Variants in IMMP2L observed in about 807,000 individuals in gnomAD.
The protein encoded by IMMP2L is mitochondrial inner membrane protease subunit 2.
Under a neutral mutation model 19.3 loss-of-function variants are expected in IMMP2L, and 18 were observed. The ratio of observed to expected loss-of-function variants is 0.93; its 90% CI spans 0.64 to 1.38. The LOEUF is 1.38. IMMP2L is among the 40% of genes most tolerant of loss of function. The probability of loss-of-function intolerance (pLI) is 0.00; values close to 1 mark genes in which losing one functional copy is unlikely to be tolerated. For synonymous variants in IMMP2L, 76 were observed against 73.0 expected (o/e 1.04, Z -0.21); for missense variants, 233 against 218.2 (o/e 1.07, Z -0.43).
At chr7:111,021,080 T>C (rs1475982673) in intron 3 of IMMP2L, among the ~76,000 whole-genome samples, 2 of 152,194 alleles carry the variant, frequency 1.3e-5, no homozygotes, top group Non-Finnish European at 2.9e-5. Context: ...ATTAATAAAT[T>C]AGTAAATAGT....
chr7:111,079,064 T>C lies in IMMP2L; in HGVS notation c.240-115499A>G, dbSNP rs900345015. On this transcript the variant is annotated intron_variant, in intron 3 of 5. Transcript: ENST00000405709. The stretch of plus-strand genomic sequence containing the variant: ...CCAACATTAATTTAGTTAAATAACA[T>C]AGAAGGAATCAAAATCAATACATGT... 2.0e-5 allele frequency among the ~76,000 whole-genome samples: 3 copies of C among 152,074 alleles called. No homozygotes were observed. The East Asian group carries it at 5.8e-4, about 29-fold the overall frequency.
At position 110,693,027 on chromosome 7, in the gene IMMP2L, CT is replaced by C. The variant is rs1344783794; in HGVS notation, c.409-29307del. On this transcript the variant is annotated intron_variant, in intron 5 of 5. Transcript: ENST00000405709. ...GAATCTTCATTTTAAACAATTCTTC[CT>C]GGTGATGCATCTCCATATTCAAGTT... is the stretch of plus-strand genomic sequence containing the variant. Among the ~76,000 whole-genome samples, 10 of 152,292 alleles carry C rather than the reference CT, an allele frequency of 6.6e-5. No homozygotes were observed. In the South Asian group the frequency reaches 1.9e-3, roughly 28 times the overall value.
At chr7:110,885,178 T>G (rs1412542400) in intron 5 of IMMP2L, among the ~76,000 whole-genome samples, 2 of 149,634 alleles carry the variant, frequency 1.3e-5, no homozygotes, top group African/African-American at 2.5e-5. Context: ...AATTTTGGAT[T>G]TTTTTTTTAT....
At chr7:111,010,469 G>C (rs1824821843) in intron 3 of IMMP2L, among the ~76,000 whole-genome samples, 1 of 152,008 alleles carries the variant, frequency 6.6e-6, no homozygotes, top group Non-Finnish European at 1.5e-5. Flanking sequence ...AGGTAATCAA[G>C]CAGTACATCC....
At chr7:110,831,574 C>T (rs1803973571) in intron 5 of IMMP2L, among the ~76,000 whole-genome samples, 1 of 152,114 alleles carries the variant, frequency 6.6e-6, no homozygotes, top group African/African-American at 2.4e-5. Context: ...AAGACACAAG[C>T]AGCCAACTTG....
At chr7:110,837,327 T>G (rs1804592602) in intron 5 of IMMP2L, among the ~76,000 whole-genome samples, 3 of 142,156 alleles carry the variant, frequency 2.1e-5, no homozygotes, top group Admixed American at 1.4e-4. Flanking sequence ...GGAAAGGAGG[T>G]GAGGAGGAAA....
chr7:110,844,486 A>T (rs1415410017), intron 5 of IMMP2L, among the ~76,000 whole-genome samples: 1 of 151,700 alleles, frequency 6.6e-6, no homozygotes, highest in Non-Finnish European at 1.5e-5. Flanking sequence ...TTGCACCCAG[A>T]AAAAAAGAAA....
At chr7:110,928,351 GCACACACACACACACACA>G (rs58639346) in intron 4 of IMMP2L, among the ~76,000 whole-genome samples, 19 of 117,110 alleles carry the variant, frequency 1.6e-4, no homozygotes, top group Admixed American at 2.6e-4. Context: ...ATATGTACCT[GCACACACACACACACACA>G]CACACACACA....
At chr7:111,439,112 T>C (rs1332844547) in intron 3 of IMMP2L, among the ~76,000 whole-genome samples, 2 of 151,850 alleles carry the variant, frequency 1.3e-5, no homozygotes, top group Non-Finnish European at 2.9e-5. Context: ...AATCATTCTG[T>C]CTTATACCCC....
At chr7:110,773,419 G>A (rs1428835841) in intron 5 of IMMP2L, among the ~76,000 whole-genome samples, 3 of 152,188 alleles carry the variant, frequency 2.0e-5, no homozygotes, top group Admixed American at 6.6e-5. Flanking sequence ...AAGACAGCCT[G>A]AAACAGCATC....
chr7:111,050,679 T>C (rs1165204551), intron 3 of IMMP2L, among the ~76,000 whole-genome samples: 1 of 152,208 alleles, frequency 6.6e-6, no homozygotes, highest in East Asian at 1.9e-4. Flanking sequence ...TCAATGCAAC[T>C]CTAATTGCTG....
chr7:110,860,815 G>A (rs925584263), intron 5 of IMMP2L, among the ~76,000 whole-genome samples: 1 of 151,934 alleles, frequency 6.6e-6, no homozygotes, highest in African/African-American at 2.4e-5. Flanking sequence ...GGAAACCTAA[G>A]AAAACTAAAA....
chr7:111,083,932 C>T (rs1796092719), intron 3 of IMMP2L, among the ~76,000 whole-genome samples: 1 of 152,082 alleles, frequency 6.6e-6, no homozygotes, highest in South Asian at 2.1e-4. Context: ...ATAAATATAA[C>T]AACAAAAATA....
chr7:110,805,583 A>G (rs533496051), intron 5 of IMMP2L, among the ~76,000 whole-genome samples: 35 of 152,192 alleles, frequency 2.3e-4, no homozygotes, highest in Non-Finnish European at 2.9e-5. Flanking sequence ...CTATGATCCT[A>G]TAATTAAAAT....
intron 3 of IMMP2L, among the ~76,000 whole-genome samples, chr7:110,981,077 CT>C (rs903244039): frequency 3.9e-5 from 6 of 152,096 alleles, no homozygotes; most frequent in African/African-American, 1.4e-4. Context: ...CTACTGTTTT[CT>C]TGCAATTATT....
At chr7:111,471,239 C>G (rs1841239889) in intron 3 of IMMP2L, among the ~76,000 whole-genome samples, 2 of 152,046 alleles carry the variant, frequency 1.3e-5, no homozygotes, top group Non-Finnish European at 2.9e-5. Context: ...AAATAAACAT[C>G]AGTACTCTTT....
intron 3 of IMMP2L, among the ~76,000 whole-genome samples, chr7:111,458,117 G>A (rs564024618): frequency 1.3e-4 from 20 of 152,216 alleles, no homozygotes; most frequent in Admixed American, 9.8e-4. Context: ...GGTGGTTCAC[G>A]CCTGTAATCC....
rs148610660 is a variant in IMMP2L at position 111,548,785 on chromosome 7, T to C, written c.-3+13066A>G. Among the ~76,000 whole-genome samples, 222 of 152,344 alleles carry C rather than the reference T, an allele frequency of 1.5e-3. 1 individual carries two copies. Among genetic ancestry groups the C allele is most frequent in the Middle Eastern group, 3.4e-3 (1 of 294 alleles). The stretch of plus-strand genomic sequence containing the variant: ...GAATTTAACTTTACAAGCCTATTTC[T>C]ATTCTCTTCCCAAGAATCTTTCCAT... On this transcript the variant is annotated intron_variant, in intron 1 of 5. Transcript: ENST00000405709.
intron 3 of IMMP2L, among the ~76,000 whole-genome samples, chr7:111,165,411 G>A (rs941617484): frequency 1.3e-5 from 2 of 151,922 alleles, no homozygotes; most frequent in African/African-American, 4.8e-5. Flanking sequence ...TCAAGACCCT[G>A]CTTTCAATTC....
Sources: allele counts gnomAD v4.1 joint callset (sites outside exome capture counted in the v4.1 genomes callset), GRCh38; gene constraint gnomAD v4.1.1; transcripts MANE v1.5; gene names NCBI Gene and HGNC (gene_info 2026-07-23, HGNC 2026-07-21).